KANSL1L: variants seen among roughly 807,000 people sequenced by gnomAD.
The protein encoded by KANSL1L is KAT8 regulatory NSL complex subunit 1 like.
A neutral mutation model predicts 108.6 loss-of-function variants in KANSL1L; 25 were observed. That is an observed-to-expected ratio of 0.23 (90% CI 0.17 to 0.32). The LOEUF is 0.32. KANSL1L is among the 10% of genes least tolerant of loss of function. The probability of loss-of-function intolerance (pLI) is 1.00; values close to 1 mark genes in which losing one functional copy is unlikely to be tolerated. For missense variants in KANSL1L, 1,137 were observed against 1,125.7 expected (o/e 1.01, Z -0.14); for synonymous variants, 405 against 395.1 (o/e 1.03, Z -0.30).
intron 6 of KANSL1L, among the ~76,000 whole-genome samples, chr2:210,060,417 A>G (rs926368485): frequency 6.6e-6 from 1 of 152,250 alleles, no homozygotes; most frequent in Admixed American, 6.5e-5. Flanking sequence ...TGTTACTTCA[A>G]TTTATACATG....
At chr2:210,136,625 C>T (rs946111435) in intron 2 of KANSL1L, among the ~76,000 whole-genome samples, 16 of 152,110 alleles carry the variant, frequency 1.1e-4, no homozygotes, top group Admixed American at 8.5e-4. Flanking sequence ...GAACTGTACA[C>T]GGGCCTGGAT....
intron 1 of KANSL1L, among the ~76,000 whole-genome samples, chr2:210,160,464 G>A (rs950014075): frequency 2.0e-5 from 3 of 152,082 alleles, no homozygotes; most frequent in Non-Finnish European, 2.9e-5. Flanking sequence ...CTCGACTAAT[G>A]AATTTAATAA....
chr2:210,150,953 T>G (rs1350062470), intron 2 of KANSL1L, among the ~76,000 whole-genome samples: 1 of 152,054 alleles, frequency 6.6e-6, no homozygotes, highest in South Asian at 2.1e-4. Context: ...CTAAGCATTA[T>G]AGGAAATCAA....
At chr2:210,048,246 C>G (rs144458533) in intron 6 of KANSL1L, among the ~76,000 whole-genome samples, 1 of 152,256 alleles carries the variant, frequency 6.6e-6, no homozygotes, top group East Asian at 1.9e-4. Flanking sequence ...AAATTCCTGC[C>G]AGAGCTTCAG....
At chr2:210,168,154 T>C (rs1322745937) in intron 1 of KANSL1L, among the ~76,000 whole-genome samples, 1 of 152,076 alleles carries the variant, frequency 6.6e-6, no homozygotes, top group Non-Finnish European at 1.5e-5. Flanking sequence ...TGCTTTAAAA[T>C]TAGTAAATTA....
chr2:210,100,271 T>TC (rs1324389570), intron 4 of KANSL1L, among the ~76,000 whole-genome samples: 2 of 151,594 alleles, frequency 1.3e-5, no homozygotes, highest in Admixed American at 1.3e-4. Flanking sequence ...CTCAAAACCA[T>TC]CCCCCCATCC....
At chr2:210,089,491 C>A (rs1410516952) in intron 5 of KANSL1L, among the ~76,000 whole-genome samples, 1 of 152,066 alleles carries the variant, frequency 6.6e-6, no homozygotes, top group Non-Finnish European at 1.5e-5. Flanking sequence ...AATATTAACA[C>A]TAGTAACTAC....
In KANSL1L at chr2:210,029,831, A is replaced by G. The variant is rs1245417054; in HGVS notation, c.2243T>C (p.Val748Ala). 2.5e-6 allele frequency: 4 copies of G among 1,599,174 alleles called. No individual in the cohort carries two copies. The African/African-American group carries it at 5.4e-5, about 21-fold the overall frequency. The change falls in exon 10 of 15, where the codon GTT becomes GCT. Residue 748 changes from valine (V) to alanine (A), a missense_variant. By Grantham distance (64) the Val-to-Ala change is moderately conservative. Coordinates refer to ENST00000281772, the MANE Select transcript of KANSL1L (RefSeq NM_152519.4). The part of the protein sequence containing the change: ...SNFTAVSNVN[V>A]LSRIQNSSRN... ...TGATGAATTCTGGATTCTTGATAAA[A>G]CGTTGACATTGGAAACAGCAGTAAA...
intron 5 of KANSL1L, among the ~76,000 whole-genome samples, chr2:210,080,495 A>G (rs1353176831): frequency 6.6e-6 from 1 of 152,182 alleles, no homozygotes; most frequent in Non-Finnish European, 1.5e-5. Context: ...GTCTGAATCC[A>G]GCCTGGGCAA....
chr2:210,154,011 C>G lies in KANSL1L; in HGVS notation c.572G>C (p.Gly191Ala). 1.9e-6 allele frequency: 3 copies of G among 1,613,880 alleles called. No individual in the cohort carries two copies. Among genetic ancestry groups the G allele is most frequent in the Non-Finnish European group, 2.5e-6 (3 of 1,180,010 alleles). The part of the protein sequence containing the change: ...DKVTDAEIKK[G>A]LLHCTQKKIV... ...TTTCTTTTGAGTACAGTGCAATAAACCCTTTTTAATCTCAGCATCAGTAAC... is the reference window on the plus strand; with the variant it reads ...TTTCTTTTGAGTACAGTGCAATAAAGCCTTTTTAATCTCAGCATCAGTAAC... Residue 191 changes from glycine to alanine, a missense_variant, in exon 2 of 15, where the codon GGT (glycine) becomes GCT (alanine). Physicochemically the swap from Gly to Ala is moderately conservative, Grantham distance 60. Transcript: ENST00000281772.
intron 3 of KANSL1L, among the ~76,000 whole-genome samples, chr2:210,118,149 AAAGC>A (rs1223927535): frequency 4.1e-5 from 6 of 147,392 alleles, no homozygotes; most frequent in South Asian, 2.2e-4. Context: ...CTGGGCAACA[AAAGC>A]GAAACTCCAT....
chr2:210,086,800 C>A (rs1350884628), intron 5 of KANSL1L, among the ~76,000 whole-genome samples: 1 of 151,870 alleles, frequency 6.6e-6, no homozygotes, highest in African/African-American at 2.4e-5. Flanking sequence ...ATTTAAATTT[C>A]TTCTAACCTA....
At chr2:210,114,265 A>C (rs1053503371) in intron 3 of KANSL1L, among the ~76,000 whole-genome samples, 2 of 152,174 alleles carry the variant, frequency 1.3e-5, no homozygotes, top group African/African-American at 4.8e-5. Flanking sequence ...CAGTTAGGTC[A>C]ACATATTCAA....
intron 5 of KANSL1L, chr2:210,096,451 A>G (rs2125401747): frequency 1.0e-6 from 1 of 975,232 alleles, no homozygotes; most frequent in Non-Finnish European, 1.2e-6. Context: ...TATGCAATCA[A>G]TGCTTTGCAA....
chr2:210,118,948 T>C (rs1264073921), intron 3 of KANSL1L, among the ~76,000 whole-genome samples: 2 of 151,748 alleles, frequency 1.3e-5, no homozygotes, highest in East Asian at 1.9e-4. Flanking sequence ...GGCAGGCAGA[T>C]CACGAGGTCA....
chr2:210,105,107 C>G (rs1032285634), intron 3 of KANSL1L, among the ~76,000 whole-genome samples: 1 of 151,954 alleles, frequency 6.6e-6, no homozygotes, highest in Non-Finnish European at 1.5e-5. Flanking sequence ...TTAGGTTCCT[C>G]AGAGGCAATG....
chr2:210,097,051 CT>C, intron 5 of KANSL1L: 1 of 180,278 alleles, frequency 5.5e-6, no homozygotes, highest in Non-Finnish European at 1.1e-5. Flanking sequence ...TCAAGTGATT[CT>C]TGTGCCTCAG....
At chr2:210,146,904 T>C (rs1559601463) in intron 2 of KANSL1L, among the ~76,000 whole-genome samples, 1 of 152,224 alleles carries the variant, frequency 6.6e-6, no homozygotes, top group Non-Finnish European at 1.5e-5. Flanking sequence ...TTTCGTTACG[T>C]GGATGTTGAA....
At chr2:210,093,380 A>C (rs1220373622) in intron 5 of KANSL1L, among the ~76,000 whole-genome samples, 2 of 152,126 alleles carry the variant, frequency 1.3e-5, no homozygotes, top group Non-Finnish European at 2.9e-5. Context: ...TCGTGGCCTC[A>C]AGCCATTTGC....
Sources: allele counts gnomAD v4.1 joint callset (sites outside exome capture counted in the v4.1 genomes callset), GRCh38; gene constraint gnomAD v4.1.1; transcripts MANE v1.5; gene names NCBI Gene and HGNC (gene_info 2026-07-23, HGNC 2026-07-21).